PLPBP: variants seen among roughly 807,000 people sequenced by gnomAD.
PLPBP encodes pyridoxal phosphate binding protein.
PLPBP carries 21 observed loss-of-function variants against 31.2 expected under a neutral mutation model. The ratio of observed to expected loss-of-function variants is 0.67; its 90% confidence interval spans 0.48 to 0.97. The LOEUF (loss-of-function observed/expected upper bound fraction) is 0.97, where lower values mean the gene tolerates loss of function less well. PLPBP is among the 50% of genes least tolerant of loss of function. The pLI, the probability that PLPBP is intolerant of heterozygous loss-of-function variation, is 0.00. For synonymous variants in PLPBP, 124 were observed against 135.6 expected (o/e 0.91, Z 0.59); for missense variants, 308 against 354.4 (o/e 0.87, Z 1.05).
intron 4 of PLPBP, among the ~76,000 whole-genome samples, chr8:37,771,510 T>C (rs919367248): frequency 6.6e-6 from 1 of 152,032 alleles, no homozygotes; most frequent in East Asian, 1.9e-4. Context: ...GGTCTTGAAC[T>C]CCTGGCCTCA....
intron 5 of PLPBP, 72 bp downstream of exon 5, chr8:37,772,961 C>A: frequency 6.4e-7 from 1 of 1,568,280 alleles, no homozygotes; most frequent in South Asian, 1.1e-5. Flanking sequence ...AATGGGTGGG[C>A]CCAAGTGTCT....
At chr8:37,765,795 T>A (rs751112396) in intron 3 of PLPBP, 49 bp downstream of exon 3, 7 of 1,593,238 alleles carry the variant, frequency 4.4e-6, no homozygotes, top group African/African-American at 1.4e-5. Flanking sequence ...CTTGGCTCTT[T>A]AGTTGAAAAT....
chr8:37,765,489 C>T, intron 1 of PLPBP, 37 bp from the exon 2 acceptor site: 10 of 1,586,310 alleles, frequency 6.3e-6, no homozygotes, highest in Non-Finnish European at 8.6e-6. Context: ...GTACTGTTCC[C>T]AAACATTCAC....
In PLPBP at chr8:37,762,755, G is replaced by A; in HGVS notation, c.96G>A (p.Pro32=). 2 of 1,562,748 alleles carry A rather than the reference G, an allele frequency of 1.3e-6. No individual in the cohort carries two copies. Among genetic ancestry groups the A allele is most frequent in the Non-Finnish European group, 1.7e-6 (2 of 1,161,150 alleles). Reference sequence around the variant, plus strand: ...TGCAGCAGGCTGTGGCGCGGCGGCCGCGGGTGAGGAAGGAGGCTGCGTGGG... The same window carrying A: ...TGCAGCAGGCTGTGGCGCGGCGGCCACGGGTGAGGAAGGAGGCTGCGTGGG... The part of the protein sequence containing the change: ...ERVQQAVARR[P]RDLPAIQPRL... Residue 32 remains proline (P), a synonymous_variant, in exon 1 of 8, where the codon CCG becomes CCA. Coordinates refer to ENST00000328195, the MANE Select transcript of PLPBP (RefSeq NM_007198.4).
rs201683473 is a variant in PLPBP at position 37,775,487 on chromosome 8, G to C, written c.597+6G>C. 1 of 1,613,406 alleles carries C rather than the reference G, an allele frequency of 6.2e-7. No homozygotes were observed. The highest frequency in any genetic ancestry group is 8.5e-7 in the Non-Finnish European group (1 of 1,179,886). Reference sequence around the variant, plus strand: ...GACCAAATCCAGACTTCCAGGTACTGGGGGGTCGGGGAGATTGCTCGTGTG... The same window carrying C: ...GACCAAATCCAGACTTCCAGGTACTCGGGGGTCGGGGAGATTGCTCGTGTG... On this transcript the variant is annotated splice_donor_region_variant and intron_variant, in intron 6 of 7. Coordinates refer to ENST00000328195, the MANE Select transcript of PLPBP (RefSeq NM_007198.4).
chr8:37,778,199 G>A lies in PLPBP; in HGVS notation c.*95G>A. ...GCGCAGTCCTGCTCTCCTGTGACCT[G>A]TGGAGAGCACTAATGATCACGTGTG... On this transcript the variant is annotated 3_prime_UTR_variant, in exon 8 of 8. Coordinates refer to ENST00000328195, the MANE Select transcript of PLPBP (RefSeq NM_007198.4). 2 of 1,430,688 alleles carry A rather than the reference G, an allele frequency of 1.4e-6. No individual in the cohort carries two copies. The highest frequency in any genetic ancestry group is 1.9e-6 in the Non-Finnish European group (2 of 1,046,642). The allele number at this position is 1,430,688 out of a possible 1,614,324, so 88.6% of individuals were successfully genotyped here.
rs748318077 is a variant in PLPBP, at chr8:37,772,856, G to C, written c.421G>C (p.Val141Leu). Residue 141 changes from valine to leucine, a missense_variant, in exon 5 of 8, where the codon GTT becomes CTT. Transcript: ENST00000328195. ...AAAAGGTTCTCCTGAAAGGTTAAAGGTTATGGTCCAGATTAACACCAGCGG... is the reference window on the plus strand; with the variant it reads ...AAAAGGTTCTCCTGAAAGGTTAAAGCTTATGGTCCAGATTAACACCAGCGG... ...QRKGSPERLK[V>L]MVQINTSGEE... is the part of the protein sequence containing the mutation. The C allele has an allele frequency of 6.2e-7, 1 of 1,614,176 alleles. No individual in the cohort carries two copies. The highest frequency in any genetic ancestry group is 8.5e-7 in the Non-Finnish European group (1 of 1,180,024).
Position 37,778,947 on chromosome 8 carries a change from T to C in PLPBP, c.*843T>C, listed in dbSNP as rs1376033572. The C allele has an allele frequency of 6.6e-6, 1 of 151,834 alleles. No individual in the cohort carries two copies. Among genetic ancestry groups the C allele is most frequent in the Non-Finnish European group, 1.5e-5 (1 of 67,978 alleles). The allele number at this position is 151,834 out of a possible 1,614,324, so 9.4% of individuals were successfully genotyped here. ...AAAAAAAAAAAATCCCAATAGTCCA[T>C]GAAGGCTTTGATCTCTTGGGAAGTT... On this transcript the variant is annotated 3_prime_UTR_variant, in exon 8 of 8. Transcript: ENST00000328195.
intron 4 of PLPBP, among the ~76,000 whole-genome samples, chr8:37,768,489 T>C (rs899682673): frequency 6.8e-6 from 1 of 147,006 alleles, no homozygotes; most frequent in Non-Finnish European, 1.5e-5. Context: ...TTTTTTTTTT[T>C]TGAGACGGAT....
Position 37,766,443 on chromosome 8 carries a change from A to G in PLPBP, c.319+88A>G, listed in dbSNP as rs1011602424. 11 of 1,435,708 alleles carry G rather than the reference A, an allele frequency of 7.7e-6. No individual in the cohort carries two copies. The African/African-American group carries it at 1.2e-4, about 15-fold the overall frequency. 88.9% of individuals were successfully genotyped at this position (1,435,708 alleles called of 1,614,324 possible). Reference sequence around the variant, plus strand: ...TGTGGAAGAGAGAGCAACTTTTAGAATAGCCCCAATTCACCATTTGTTTTT... The same window carrying G: ...TGTGGAAGAGAGAGCAACTTTTAGAGTAGCCCCAATTCACCATTTGTTTTT... On this transcript the variant is annotated intron_variant, in intron 4 of 7. Transcript: ENST00000328195.
Position 37,779,163 on chromosome 8 carries a change from T to A in PLPBP, c.*1059T>A, listed in dbSNP as rs1300024169. ...GAGGACTTGGGCCTTTCTGACATCA[T>A]CCTGAAGAGACAGGACTTTGCGTTT... On this transcript the variant is annotated 3_prime_UTR_variant, in exon 8 of 8. Transcript: ENST00000328195. 2 of 152,162 alleles carry A rather than the reference T, an allele frequency of 1.3e-5. No homozygotes were observed. Among genetic ancestry groups the A allele is most frequent in the Non-Finnish European group, 2.9e-5 (2 of 68,038 alleles). 9.4% of individuals were successfully genotyped at this position (152,162 alleles called of 1,614,324 possible). A position where few individuals can be genotyped will look rare whatever the true frequency, so the allele number is the denominator to read the frequency against.
At chr8:37,777,198 A>C (rs1585942222) in intron 7 of PLPBP, among the ~76,000 whole-genome samples, 1 of 152,380 alleles carries the variant, frequency 6.6e-6, no homozygotes, top group Admixed American at 6.5e-5. Context: ...ATAACTTGAT[A>C]AAGTTTCAAA....
intron 5 of PLPBP, among the ~76,000 whole-genome samples, chr8:37,773,251 T>C (rs1211332194): frequency 6.6e-6 from 1 of 151,692 alleles, no homozygotes; most frequent in Non-Finnish European, 1.5e-5. Context: ...CACTGCAACC[T>C]CCGCCTCCCG....
intron 4 of PLPBP, among the ~76,000 whole-genome samples, chr8:37,772,536 T>G (rs1803799982): frequency 6.6e-6 from 1 of 152,244 alleles, no homozygotes; most frequent in South Asian, 2.1e-4. Flanking sequence ...GTATGTCAGC[T>G]TTTCCCTTAT....
chr8:37,763,378 C>T (rs1034734680), intron 1 of PLPBP, among the ~76,000 whole-genome samples: 1 of 152,192 alleles, frequency 6.6e-6, no homozygotes, highest in African/African-American at 2.4e-5. Context: ...AAAATCTGCC[C>T]ACCTCAGTGC....
In PLPBP at chr8:37,776,145, G is replaced by A; in HGVS notation, c.696+129G>A. On this transcript the variant is annotated intron_variant, in intron 7 of 7. Transcript: ENST00000328195. ...TTGGGATGGCAGTAAGGTACCCAGT[G>A]TCAGCTATTCCAGCATCTCCCATTC... 6.0e-6 allele frequency: 5 copies of A among 826,912 alleles called. No individual in the cohort carries two copies. The Admixed American group carries it at 9.1e-5, about 15-fold the overall frequency. 51.2% of individuals were successfully genotyped at this position (826,912 alleles called of 1,614,324 possible).
intron 5 of PLPBP, among the ~76,000 whole-genome samples, chr8:37,773,194 G>C (rs1355328161): frequency 6.6e-6 from 1 of 151,888 alleles, no homozygotes; most frequent in Non-Finnish European, 1.5e-5. Flanking sequence ...TTGAGATGGA[G>C]TCTTGCTATG....
chr8:37,765,843 A>C (rs970873788), intron 3 of PLPBP, 97 bp downstream of exon 3: 3 of 1,358,016 alleles, frequency 2.2e-6, no homozygotes, highest in Non-Finnish European at 3.1e-6. Context: ...CAGCAGTTTT[A>C]GGGTGGTTGA....
chr8:37,771,939 G>A (rs534156761), intron 4 of PLPBP, among the ~76,000 whole-genome samples: 154 of 152,292 alleles, frequency 1.0e-3, no homozygotes, highest in Non-Finnish European at 1.5e-3. Context: ...TAGCCTGGGC[G>A]ACAGAGCGAG....
Sources: allele counts gnomAD v4.1 joint callset (sites outside exome capture counted in the v4.1 genomes callset), GRCh38; gene constraint gnomAD v4.1.1; transcripts MANE v1.5; gene names NCBI Gene and HGNC (gene_info 2026-07-23, HGNC 2026-07-21).